DGKB: variants seen among roughly 807,000 people sequenced by gnomAD.
The protein encoded by DGKB is 90 kDa diacylglycerol kinase.
Under a neutral mutation model 114.3 loss-of-function variants are expected in DGKB, and 67 were observed. That is an observed-to-expected ratio of 0.59 (90% CI 0.48 to 0.72). DGKB has a LOEUF of 0.72. Ranked by LOEUF, DGKB falls within the 30% of genes least tolerant of loss-of-function variation. The pLI is 0.00. For synonymous variants in DGKB, 398 were observed against 323.1 expected (o/e 1.23, Z -2.49); for missense variants, 907 against 975.2 (o/e 0.93, Z 0.93).
chr7:14,826,933 T>G (rs1845780277), intron 2 of DGKB, among the ~76,000 whole-genome samples: 1 of 152,164 alleles, frequency 6.6e-6, no homozygotes, highest in South Asian at 2.1e-4. Flanking sequence ...GTGAATACTC[T>G]AAAATAGCCT....
intron 17 of DGKB, among the ~76,000 whole-genome samples, chr7:14,583,343 A>C (rs1377933122): frequency 6.6e-6 from 1 of 152,074 alleles, no homozygotes; most frequent in East Asian, 1.9e-4. Context: ...TTGTAATTAC[A>C]TATTCTAGAT....
intron 23 of DGKB, among the ~76,000 whole-genome samples, chr7:14,184,523 C>T (rs1371047348): frequency 6.6e-6 from 1 of 152,070 alleles, no homozygotes; most frequent in African/African-American, 2.4e-5. Flanking sequence ...ACTTCCCTGA[C>T]AACCTGCATG....
rs191431104 is a variant in DGKB at position 14,232,576 on chromosome 7, T to G, written c.2123-54425A>C. ...GAATCATAAGAGTGAACCAAATGCA[T>G]CTCAAAATTTGTGTGATTCCATCTT... On this transcript the variant is annotated intron_variant, in intron 23 of 25. Transcript: ENST00000402815. 1.1e-4 allele frequency among the ~76,000 whole-genome samples: 16 copies of G among 151,910 alleles called. No individual in the cohort carries two copies. In the East Asian group the frequency reaches 3.1e-3, roughly 30 times the overall value.
At chr7:14,334,278 A>G (rs1034206262) in intron 23 of DGKB, among the ~76,000 whole-genome samples, 3 of 152,072 alleles carry the variant, frequency 2.0e-5, no homozygotes, top group Non-Finnish European at 4.4e-5. Flanking sequence ...AGATATGCAA[A>G]GACATATTTT....
intron 1 of DGKB, among the ~76,000 whole-genome samples, chr7:14,871,832 G>A (rs373240542): frequency 3.9e-5 from 6 of 152,160 alleles, no homozygotes; most frequent in Non-Finnish European, 5.9e-5. Flanking sequence ...GCATCATGCA[G>A]ACATTAGTGG....
chr7:14,938,517 C>A (rs1031450249), intron 1 of DGKB, among the ~76,000 whole-genome samples: 15 of 152,048 alleles, frequency 9.9e-5, no homozygotes, highest in African/African-American at 1.9e-4. Context: ...TTCTGGAATT[C>A]TCTGTAAGAC....
At chr7:14,603,498 T>C (rs1803946395) in intron 17 of DGKB, among the ~76,000 whole-genome samples, 1 of 152,208 alleles carries the variant, frequency 6.6e-6, no homozygotes, top group Non-Finnish European at 1.5e-5. Flanking sequence ...TTATATAAAA[T>C]GATATTTTAA....
At chr7:14,503,838 G>T (rs1014275827) in intron 20 of DGKB, among the ~76,000 whole-genome samples, 1 of 151,748 alleles carries the variant, frequency 6.6e-6, no homozygotes, top group African/African-American at 2.4e-5. Flanking sequence ...CTTTGCAGAA[G>T]TCCAGAGAAG....
chr7:14,359,527 G>A (rs113619753), intron 21 of DGKB, among the ~76,000 whole-genome samples: 4,874 of 149,400 alleles, frequency 0.033, 258 homozygotes, highest in African/African-American at 0.11. Context: ...GAGTGAACAG[G>A]CAACCTACAG....
chr7:14,304,194 T>TTGCTTC, intron 23 of DGKB, among the ~76,000 whole-genome samples: 1 of 152,158 alleles, frequency 6.6e-6, no homozygotes, highest in Middle Eastern at 3.4e-3. Context: ...GTTTATGTGT[T>TTGCTTC]TGCTTCAAGT....
chr7:14,563,037 T>C (rs915846145), intron 20 of DGKB, among the ~76,000 whole-genome samples: 8 of 152,150 alleles, frequency 5.3e-5, no homozygotes, highest in Non-Finnish European at 1.2e-4. Context: ...GGGCAGGTCT[T>C]TCCCATGCTG....
chr7:14,498,388 C>G (rs1785614131), intron 20 of DGKB, among the ~76,000 whole-genome samples: 2 of 151,570 alleles, frequency 1.3e-5, no homozygotes, highest in African/African-American at 4.8e-5. Flanking sequence ...CATAATGATA[C>G]AAATTTAAAA....
chr7:14,778,090 T>C (rs1838476367), intron 2 of DGKB, among the ~76,000 whole-genome samples: 1 of 152,224 alleles, frequency 6.6e-6, no homozygotes, highest in Non-Finnish European at 1.5e-5. Flanking sequence ...CTGACTTACT[T>C]GCATTGTAGT....
chr7:14,486,936 A>G (rs1783903950), intron 20 of DGKB, among the ~76,000 whole-genome samples: 1 of 152,250 alleles, frequency 6.6e-6, no homozygotes, highest in Non-Finnish European at 1.5e-5. Context: ...TAGATTAAAA[A>G]TATTTCATTA....
chr7:14,644,754 A>G (rs1380814133), intron 13 of DGKB, among the ~76,000 whole-genome samples: 2 of 152,252 alleles, frequency 1.3e-5, no homozygotes, highest in African/African-American at 4.8e-5. Context: ...TCCAAAAAGA[A>G]AAGATGGGGA....
chr7:14,754,370 A>C (rs970148467), intron 3 of DGKB, among the ~76,000 whole-genome samples: 1 of 152,200 alleles, frequency 6.6e-6, no homozygotes, highest in Non-Finnish European at 1.5e-5. Flanking sequence ...TAGAGGATTA[A>C]CAGAAATATA....
chr7:14,871,090 C>CAA (rs533319937), intron 1 of DGKB, among the ~76,000 whole-genome samples: 9 of 120 alleles, frequency 0.075, 4 homozygotes, highest in African/African-American at 0.078. Flanking sequence ...GACTCCGTCT[C>CAA]AAAAAAAAAA....
chr7:14,569,038 G>C lies in DGKB; in HGVS notation c.1770+5174C>G, dbSNP rs1289295470. ...AACTCCACTATTTGTTATATATTCA[G>C]GAATGATTTGAGACAATTTATTTTA... On this transcript the variant is annotated intron_variant, in intron 20 of 25. Transcript: ENST00000402815. Among the ~76,000 whole-genome samples the C allele has an allele frequency of 2.0e-5, 3 of 152,064 alleles. 1 individual carries two copies. The East Asian group carries it at 5.8e-4, about 29-fold the overall frequency.
intron 1 of DGKB, among the ~76,000 whole-genome samples, chr7:14,919,075 C>CACACACACACACACACAA (rs1784382366): frequency 3.2e-5 from 4 of 125,534 alleles, no homozygotes; most frequent in African/African-American, 1.2e-4. Context: ...CACACACACA[C>CACACACACACACACACAA]ACACACACAC....
Sources: gnomAD v4.1 joint callset for allele counts (sites outside exome capture counted in the v4.1 genomes callset) on GRCh38, gnomAD v4.1.1 for gene constraint, MANE v1.5 for transcripts, NCBI Gene and HGNC (gene_info 2026-07-23, HGNC 2026-07-21) for gene names.